The following RANBP3L variants were observed in gnomAD, a reference collection of about 807,000 sequenced individuals.
The protein encoded by RANBP3L is ran-binding protein 3-like.
Under a neutral mutation model 67.2 loss-of-function variants are expected in RANBP3L, and 56 were observed. The ratio of observed to expected loss-of-function variants is 0.83; its 90% confidence interval spans 0.67 to 1.04. The LOEUF (loss-of-function observed/expected upper bound fraction) is 1.04, where lower values mean the gene tolerates loss of function less well. RANBP3L is among the 50% of genes least tolerant of loss of function. The pLI, the probability that RANBP3L is intolerant of heterozygous loss-of-function variation, is 0.00. For missense variants in RANBP3L, 496 were observed against 535.5 expected (o/e 0.93, Z 0.73); for synonymous variants, 164 against 181.4 (o/e 0.90, Z 0.77).
At chr5:36,270,918 G>A (rs1221382611) in intron 2 of RANBP3L, among the ~76,000 whole-genome samples, 3 of 152,136 alleles carry the variant, frequency 2.0e-5, no homozygotes, top group Non-Finnish European at 4.4e-5. Flanking sequence ...TTTTTTTACC[G>A]AGTTTTAGGC....
intron 1 of RANBP3L, among the ~76,000 whole-genome samples, chr5:36,294,782 GTATAGTGTATATA>G (rs901795565): frequency 6.8e-6 from 1 of 147,738 alleles, no homozygotes; most frequent in Non-Finnish European, 1.5e-5. Context: ...TAGTGTGTAT[GTATAGTGTATATA>G]TATAGTGTAT....
Position 36,251,355 on chromosome 5 carries a change from C to T in RANBP3L, c.1312G>A (p.Glu438Lys), listed in dbSNP as rs770563642. The change falls in exon 13 of 14, where the codon GAG becomes AAG. Residue 438 changes from glutamate to lysine, a missense_variant. By Grantham distance (56) the Glu-to-Lys change is moderately conservative. Coordinates refer to ENST00000296604, the MANE Select transcript of RANBP3L (RefSeq NM_145000.5). ...AQQLNCESCD[E>K]NEDDFIQVTK... ...ACTTGGATGAAATCATCCTCATTCT[C>T]ATCACAGCTTTCGCAGTTCAATTGT... 2 of 1,613,360 alleles carry T rather than the reference C, an allele frequency of 1.2e-6. No homozygotes were observed. Among genetic ancestry groups the T allele is most frequent in the Middle Eastern group, 1.7e-4 (1 of 6,056 alleles).
chr5:36,288,231 T>C (rs1015640585), intron 1 of RANBP3L, among the ~76,000 whole-genome samples: 26 of 152,200 alleles, frequency 1.7e-4, no homozygotes, highest in African/African-American at 6.3e-4. Flanking sequence ...TGTAGAAATA[T>C]GTACTCTTTT....
At chr5:36,293,571 G>A (rs1250992548) in intron 1 of RANBP3L, among the ~76,000 whole-genome samples, 5 of 120,038 alleles carry the variant, frequency 4.2e-5, no homozygotes, top group East Asian at 2.1e-4. Flanking sequence ...TTTGAAATAC[G>A]TCCCATCAAT....
In RANBP3L at chr5:36,300,252, A is replaced by C. The variant is rs16902942; in HGVS notation, c.91+1074T>G. Among the ~76,000 whole-genome samples the C allele has an allele frequency of 7.6e-3, 1,159 of 152,316 alleles. 14 individuals carry two copies. Among genetic ancestry groups the C allele is most frequent in the African/African-American group, 0.026 (1,080 of 41,570 alleles). ...TACTTGGTTCAAAATTTATTTGAGCACTAGTAGTAAAGCATGGTCTAAAAG... is the reference window on the plus strand; with the variant it reads ...TACTTGGTTCAAAATTTATTTGAGCCCTAGTAGTAAAGCATGGTCTAAAAG... On this transcript the variant is annotated intron_variant, in intron 1 of 13. Transcript: ENST00000296604.
At chr5:36,295,534 A>G (rs114924432) in intron 1 of RANBP3L, among the ~76,000 whole-genome samples, 1,996 of 152,240 alleles carry the variant, frequency 0.013, 23 homozygotes, top group Non-Finnish European at 0.018. Context: ...ACCCAGCCTC[A>G]GGGAGTTCTT....
chr5:36,265,510 G>GA lies in RANBP3L; in HGVS notation c.278_279insT (p.Asn94GlnfsTer12). ...CAAGAGCTGATGTCATAAAAACATT[G>GA]TTTTTCCTCACTGTAAGAAAAAATA... is the stretch of plus-strand genomic sequence containing the variant. On this transcript the variant is annotated frameshift_variant, in exon 5 of 14. Coordinates refer to ENST00000296604, the MANE Select transcript of RANBP3L (RefSeq NM_145000.5). LOFTEE classifies it high-confidence loss of function. The GA allele has an allele frequency of 1.3e-6, 2 of 1,595,954 alleles. No homozygotes were observed. The highest frequency in any genetic ancestry group is 1.7e-6 in the Non-Finnish European group (2 of 1,165,584).
chr5:36,278,155 G>A (rs1750730000), intron 1 of RANBP3L, among the ~76,000 whole-genome samples: 1 of 152,128 alleles, frequency 6.6e-6, no homozygotes, highest in Non-Finnish European at 1.5e-5. Context: ...AGCTCTGGGG[G>A]AAGTGCCTCA....
intron 1 of RANBP3L, among the ~76,000 whole-genome samples, chr5:36,286,581 G>A (rs958896117): frequency 2.3e-4 from 35 of 152,140 alleles, no homozygotes; most frequent in African/African-American, 8.4e-4. Context: ...ATTCCCCTCA[G>A]AATTTCTGAA....
rs370286111 is a variant in RANBP3L at position 36,269,921 on chromosome 5, G to A, written c.190+30C>T. ...TGCTAATTTTGTTTGTATAAAGATTGATTTTGGAATACAGGATGAAAATCA... is the reference window on the plus strand; with the variant it reads ...TGCTAATTTTGTTTGTATAAAGATTAATTTTGGAATACAGGATGAAAATCA... On this transcript the variant is annotated intron_variant, in intron 3 of 13. Coordinates refer to ENST00000296604, the MANE Select transcript of RANBP3L (RefSeq NM_145000.5). 8 of 1,583,386 alleles carry A rather than the reference G, an allele frequency of 5.1e-6. No individual in the cohort carries two copies. In the East Asian group the frequency reaches 1.1e-4, roughly 22 times the overall value.
At chr5:36,287,520 A>C (rs1751411193) in intron 1 of RANBP3L, among the ~76,000 whole-genome samples, 1 of 152,198 alleles carries the variant, frequency 6.6e-6, no homozygotes, top group African/African-American at 2.4e-5. Flanking sequence ...GAAGTAGTCC[A>C]TTTTAGGTGT....
At chr5:36,296,059 CT>C (rs1414078327) in intron 1 of RANBP3L, among the ~76,000 whole-genome samples, 3 of 152,150 alleles carry the variant, frequency 2.0e-5, no homozygotes, top group African/African-American at 7.2e-5. Context: ...CACCCTGACT[CT>C]GTGGAAGCAG....
intron 6 of RANBP3L, among the ~76,000 whole-genome samples, chr5:36,263,596 T>C (rs1309248029): frequency 6.6e-6 from 1 of 152,248 alleles, no homozygotes; most frequent in Non-Finnish European, 1.5e-5. Context: ...TGAGACAGTC[T>C]GGCTCTGTCA....
Position 36,253,686 on chromosome 5 carries a change from A to G in RANBP3L, c.1128T>C (p.Thr376=). 2 of 1,610,522 alleles carry G rather than the reference A, an allele frequency of 1.2e-6. No homozygotes were observed. The highest frequency in any genetic ancestry group is 1.7e-6 in the Non-Finnish European group (2 of 1,176,860). Residue 376 remains threonine (T), a synonymous_variant, in exon 12 of 14, where the codon ACT becomes ACC. Coordinates refer to ENST00000296604, the MANE Select transcript of RANBP3L (RefSeq NM_145000.5). ...ANHKNVRITA[T]DLEDYSIKIF... ...TTTTGATGCTATAGTCTTCTAAATC[A>G]GTAGCTGTTATTCGTACATTTTTGT...
At chr5:36,293,541 T>C (rs1751960861) in intron 1 of RANBP3L, among the ~76,000 whole-genome samples, 1 of 149,752 alleles carries the variant, frequency 6.7e-6, no homozygotes, top group African/African-American at 2.5e-5. Context: ...TGTGGGTTTG[T>C]CATAGATAGC....
chr5:36,295,079 A>G (rs1381401687), intron 1 of RANBP3L, among the ~76,000 whole-genome samples: 1 of 151,952 alleles, frequency 6.6e-6, no homozygotes, highest in Non-Finnish European at 1.5e-5. Flanking sequence ...TAATACTACC[A>G]TGAGCATAGG....
rs1748366756 is a variant in RANBP3L, at chr5:36,247,758, C to A, written c.*1896G>T. Among the ~76,000 whole-genome samples, 1 of 152,158 alleles carries A rather than the reference C, an allele frequency of 6.6e-6. No individual in the cohort carries two copies. Among genetic ancestry groups the A allele is most frequent in the African/African-American group, 2.4e-5 (1 of 41,434 alleles). On this transcript the variant is annotated 3_prime_UTR_variant, in exon 14 of 14. Coordinates refer to ENST00000296604, the MANE Select transcript of RANBP3L (RefSeq NM_145000.5). The stretch of plus-strand genomic sequence containing the variant: ...AATTAGCCAGGTATGATGGCGGGCG[C>A]CTGTAATCCCAGCTACTCAGGAGGC...
intron 1 of RANBP3L, among the ~76,000 whole-genome samples, chr5:36,300,013 C>T (rs1752506260): frequency 1.3e-5 from 2 of 152,160 alleles, no homozygotes; most frequent in African/African-American, 4.8e-5. Context: ...GGTGGGGTTA[C>T]AGGTGACTTC....
intron 12 of RANBP3L, among the ~76,000 whole-genome samples, chr5:36,252,212 T>C (rs1482511356): frequency 6.6e-6 from 1 of 152,076 alleles, no homozygotes; most frequent in Non-Finnish European, 1.5e-5. Flanking sequence ...AAGGGTAAAA[T>C]GACTTGTCTG....
Sources: gnomAD v4.1 joint callset for allele counts (sites outside exome capture counted in the v4.1 genomes callset) on GRCh38, gnomAD v4.1.1 for gene constraint, MANE v1.5 for transcripts, NCBI Gene and HGNC (gene_info 2026-07-23, HGNC 2026-07-21) for gene names.